The following CNTN1 variants were observed in gnomAD, a reference collection of about 807,000 sequenced individuals.
The protein encoded by CNTN1 is contactin 1, also known as contactin-1.
A neutral mutation model predicts 126.4 loss-of-function variants in CNTN1; 38 were observed. The ratio of observed to expected loss-of-function variants is 0.30; its 90% CI spans 0.23 to 0.39. The LOEUF (loss-of-function observed/expected upper bound fraction) is 0.39, where lower values mean the gene tolerates loss of function less well. Among genes scored for constraint, CNTN1 ranks in the 10% least tolerant of loss-of-function variants. CNTN1 has a pLI of 1.00. For synonymous variants in CNTN1, 413 were observed against 422.6 expected (o/e 0.98, Z 0.28); for missense variants, 1,009 against 1,248.4 (o/e 0.81, Z 2.89).
chr12:41,013,668 G>A (rs772721260), intron 17 of CNTN1, among the ~76,000 whole-genome samples: 2 of 152,152 alleles, frequency 1.3e-5, no homozygotes, highest in African/African-American at 2.4e-5. Context: ...GGTCTTTCTA[G>A]CAGGGAAACT....
chr12:40,708,415 C>T (rs555491214), intron 1 of CNTN1, among the ~76,000 whole-genome samples: 20 of 152,254 alleles, frequency 1.3e-4, no homozygotes, highest in South Asian at 6.2e-4. Context: ...TACTTTGTTA[C>T]GAAAAATGCT....
At chr12:40,702,598 C>A (rs957840379) in intron 1 of CNTN1, among the ~76,000 whole-genome samples, 1 of 152,128 alleles carries the variant, frequency 6.6e-6, no homozygotes, top group African/African-American at 2.4e-5. Context: ...GAGCCTGCCA[C>A]CATGCTCCGC....
intron 12 of CNTN1, 62 bp downstream of exon 12, chr12:40,939,547 G>A: frequency 6.4e-7 from 1 of 1,570,416 alleles, no homozygotes; most frequent in Non-Finnish European, 8.7e-7. Context: ...TTTTATAGAA[G>A]ACTTGTTTAT....
At chr12:40,704,316 A>C (rs1941678498) in intron 1 of CNTN1, among the ~76,000 whole-genome samples, 1 of 152,202 alleles carries the variant, frequency 6.6e-6, no homozygotes, top group African/African-American at 2.4e-5. Context: ...CTTGATAAGA[A>C]AAGAAATTTT....
chr12:40,758,539 G>T (rs1180801199), intron 1 of CNTN1, among the ~76,000 whole-genome samples: 1 of 151,948 alleles, frequency 6.6e-6, no homozygotes, highest in African/African-American at 2.4e-5. Flanking sequence ...AACATTTATG[G>T]ACACTCCACA....
chr12:40,964,516 G>T (rs1947225639), intron 15 of CNTN1, among the ~76,000 whole-genome samples: 1 of 105,622 alleles, frequency 9.5e-6, no homozygotes. Context: ...TGAAAACACC[G>T]TGTAAGTGAG....
At chr12:40,872,195 T>A (rs1192795036) in intron 1 of CNTN1, among the ~76,000 whole-genome samples, 1 of 145,890 alleles carries the variant, frequency 6.9e-6, no homozygotes, top group Admixed American at 7.1e-5. Flanking sequence ...TTCGGTAGGG[T>A]TTTTCCGTTG....
chr12:41,050,420 C>CAT (rs1949647111), intron 23 of CNTN1, among the ~76,000 whole-genome samples: 1 of 152,094 alleles, frequency 6.6e-6, no homozygotes, highest in African/African-American at 2.4e-5. Context: ...GAAGCAAGCA[C>CAT]ATTTGCACAC....
chr12:40,893,636 ATT>A (rs757251062), intron 1 of CNTN1, among the ~76,000 whole-genome samples: 30 of 151,644 alleles, frequency 2.0e-4, no homozygotes, highest in Admixed American at 1.3e-3. Context: ...TCCTCCCCTT[ATT>A]TTGTTTCTTT....
chr12:41,014,982 A>T (rs1948746450), intron 18 of CNTN1, among the ~76,000 whole-genome samples: 1 of 152,212 alleles, frequency 6.6e-6, no homozygotes, highest in Non-Finnish European at 1.5e-5. Flanking sequence ...TTATTCATTA[A>T]ATACACTTAG....
At chr12:40,775,954 T>C (rs530890862) in intron 1 of CNTN1, among the ~76,000 whole-genome samples, 3 of 151,702 alleles carry the variant, frequency 2.0e-5, no homozygotes, top group East Asian at 3.9e-4. Flanking sequence ...CAGATATAGA[T>C]AGATTTTTAA....
intron 1 of CNTN1, among the ~76,000 whole-genome samples, chr12:40,807,447 G>A (rs1013830997): frequency 2.6e-5 from 4 of 152,120 alleles, no homozygotes; most frequent in African/African-American, 4.8e-5. Flanking sequence ...TAAGGAGGGC[G>A]AAAGGTGGCT....
At chr12:40,821,072 A>G (rs1297942028) in intron 1 of CNTN1, among the ~76,000 whole-genome samples, 1 of 152,238 alleles carries the variant, frequency 6.6e-6, no homozygotes, top group Non-Finnish European at 1.5e-5. Flanking sequence ...CAAAAGTTCT[A>G]AAATAACCAA....
intron 23 of CNTN1, among the ~76,000 whole-genome samples, chr12:41,044,038 T>C (rs1205135051): frequency 6.9e-6 from 1 of 145,368 alleles, no homozygotes; most frequent in Non-Finnish European, 1.5e-5. Context: ...TTAGGAGATA[T>C]ACCTAATGCT....
chr12:40,738,991 G>C (rs892311265), intron 1 of CNTN1, among the ~76,000 whole-genome samples: 8 of 151,948 alleles, frequency 5.3e-5, no homozygotes, highest in African/African-American at 1.9e-4. Flanking sequence ...GAAGAACAGT[G>C]GTTCTTAACC....
intron 6 of CNTN1, among the ~76,000 whole-genome samples, chr12:40,926,382 A>C (rs1945696404): frequency 6.6e-6 from 1 of 152,070 alleles, no homozygotes; most frequent in Non-Finnish European, 1.5e-5. Context: ...CTGAGGTCAG[A>C]CTATGGAAGA....
intron 1 of CNTN1, among the ~76,000 whole-genome samples, chr12:40,796,114 A>G (rs954181621): frequency 6.6e-6 from 1 of 152,090 alleles, no homozygotes; most frequent in Admixed American, 6.6e-5. Context: ...ATGCTTTTAA[A>G]TATTCATAAA....
chr12:40,719,997 C>T (rs1046658254), intron 1 of CNTN1, among the ~76,000 whole-genome samples: 4 of 149,504 alleles, frequency 2.7e-5, no homozygotes, highest in South Asian at 2.1e-4. Context: ...GCACCACGCC[C>T]GGTTAATTTT....
At chr12:40,862,996 G>T (rs183914105) in intron 1 of CNTN1, among the ~76,000 whole-genome samples, 2 of 152,150 alleles carry the variant, frequency 1.3e-5, no homozygotes, top group East Asian at 3.9e-4. Flanking sequence ...ATGTATTAAA[G>T]AAAGCATGTT....
Sources: gnomAD v4.1 joint callset for allele counts (sites outside exome capture counted in the v4.1 genomes callset) on GRCh38, gnomAD v4.1.1 for gene constraint, MANE v1.5 for transcripts, NCBI Gene and HGNC (gene_info 2026-07-23, HGNC 2026-07-21) for gene names.